MALRD1: variants seen among roughly 807,000 people sequenced by gnomAD.
MALRD1 encodes the protein MAM and LDL receptor class A domain containing 1, also known as MAM and LDL-receptor class A domain-containing protein 1.
Under a neutral mutation model 242.1 loss-of-function variants are expected in MALRD1, and 247 were observed. The ratio of observed to expected loss-of-function variants is 1.02; its 90% CI spans 0.92 to 1.13. The LOEUF is 1.13. Among genes scored for constraint, MALRD1 ranks in the 50% most tolerant of loss-of-function variants. MALRD1 has a pLI of 0.00. For synonymous variants in MALRD1, 995 were observed against 866.6 expected, an observed-to-expected ratio of 1.15 and a Z score of -2.60; for missense variants, 2,989 against 2,533.1, an observed-to-expected ratio of 1.18 and a Z score of -3.86.
chr10:19,532,532 G>T (rs1436070849), intron 32 of MALRD1, among the ~76,000 whole-genome samples: 1 of 152,016 alleles, frequency 6.6e-6, no homozygotes, highest in East Asian at 1.9e-4. Flanking sequence ...GGGATTACAG[G>T]CCTGAGCCAC....
intron 28 of MALRD1, among the ~76,000 whole-genome samples, chr10:19,398,077 T>C (rs1358191545): frequency 6.6e-6 from 1 of 152,156 alleles, no homozygotes; most frequent in Non-Finnish European, 1.5e-5. Flanking sequence ...TTGTCAGATG[T>C]AGAGTTTGCA....
intron 28 of MALRD1, among the ~76,000 whole-genome samples, chr10:19,436,002 C>G (rs1219324214): frequency 6.6e-6 from 1 of 152,106 alleles, no homozygotes; most frequent in Non-Finnish European, 1.5e-5. Context: ...TTTTGTTGCT[C>G]AAGTTGTTCC....
intron 28 of MALRD1, among the ~76,000 whole-genome samples, chr10:19,408,541 A>G (rs1470608084): frequency 2.6e-5 from 4 of 152,222 alleles, no homozygotes; most frequent in African/African-American, 7.2e-5. Flanking sequence ...TATTCAAACA[A>G]AGAAAATCAT....
At position 19,188,293 on chromosome 10, in the gene MALRD1, C is replaced by T. The variant is rs912241308; in HGVS notation, c.1951+12965C>T. On this transcript the variant is annotated intron_variant, in intron 14 of 39. Transcript: ENST00000454679. ...AATAGCCTACTAGGAGAAACTGGGA[C>T]GTGGCTTAACAAGAGGAACTTGTTC... is the stretch of plus-strand genomic sequence containing the variant. Among the ~76,000 whole-genome samples, 18 of 152,120 alleles carry T rather than the reference C, an allele frequency of 1.2e-4. 1 individual carries two copies. The highest frequency in any genetic ancestry group is 9.8e-4 in the Admixed American group (15 of 15,286).
chr10:19,540,219 G>C (rs988257548), intron 32 of MALRD1, among the ~76,000 whole-genome samples: 1 of 152,084 alleles, frequency 6.6e-6, no homozygotes, highest in African/African-American at 2.4e-5. Flanking sequence ...TAGTGCAAGA[G>C]GATATTCTAT....
chr10:19,269,628 C>G (rs1840117535), intron 19 of MALRD1, among the ~76,000 whole-genome samples: 1 of 152,160 alleles, frequency 6.6e-6, no homozygotes, highest in African/African-American at 2.4e-5. Flanking sequence ...GTGAAATCAG[C>G]TGCAACTCCA....
intron 14 of MALRD1, among the ~76,000 whole-genome samples, chr10:19,203,395 G>A (rs1836636778): frequency 6.6e-6 from 1 of 152,140 alleles, no homozygotes; most frequent in Non-Finnish European, 1.5e-5. Context: ...TGATGTAACA[G>A]TAGCAGGGAA....
intron 21 of MALRD1, among the ~76,000 whole-genome samples, chr10:19,320,508 A>G (rs1256533088): frequency 1.3e-5 from 2 of 152,060 alleles, no homozygotes; most frequent in East Asian, 3.9e-4. Context: ...CTTTGCTATT[A>G]TAAGTAGTGC....
At chr10:19,163,513 T>G (rs1219912268) in intron 12 of MALRD1, among the ~76,000 whole-genome samples, 16 of 145,172 alleles carry the variant, frequency 1.1e-4, no homozygotes, top group South Asian at 2.2e-4. Flanking sequence ...GGGGGGAGGG[T>G]GGAGGAGGGA....
intron 18 of MALRD1, among the ~76,000 whole-genome samples, chr10:19,240,755 G>C (rs1190043028): frequency 6.6e-6 from 1 of 152,002 alleles, no homozygotes; most frequent in Non-Finnish European, 1.5e-5. Flanking sequence ...CTACTTTCTT[G>C]ACAGTTTTTA....
chr10:19,596,027 T>G (rs1838081240), intron 34 of MALRD1, among the ~76,000 whole-genome samples: 1 of 152,184 alleles, frequency 6.6e-6, no homozygotes, highest in Admixed American at 6.6e-5. Flanking sequence ...CAGAAGTTAT[T>G]TAAGTGCTGC....
intron 14 of MALRD1, among the ~76,000 whole-genome samples, chr10:19,185,814 AGT>A (rs5783657): frequency 0.42 from 62,691 of 148,150 alleles, 13,202 homozygotes; most frequent in South Asian, 0.69. Flanking sequence ...GTTTTGAGAT[AGT>A]GTGTGTGTGT....
intron 33 of MALRD1, among the ~76,000 whole-genome samples, chr10:19,571,212 G>C (rs1470539602): frequency 6.6e-6 from 1 of 152,134 alleles, no homozygotes; most frequent in Non-Finnish European, 1.5e-5. Context: ...TGTTCTGCTA[G>C]TAGTTCAGGG....
intron 26 of MALRD1, among the ~76,000 whole-genome samples, chr10:19,377,547 A>T (rs1726140119): frequency 6.6e-6 from 1 of 152,096 alleles, no homozygotes; most frequent in South Asian, 2.1e-4. Context: ...AAACAGAACT[A>T]CTTCATAAGA....
At chr10:19,203,617 C>G in intron 14 of MALRD1, 111 bp from the exon 15 acceptor site, 2 of 1,085,190 alleles carry the variant, frequency 1.8e-6, no homozygotes, top group Middle Eastern at 2.8e-4. Context: ...CCTCATTGCC[C>G]TTCATGTGCA....
intron 5 of MALRD1, among the ~76,000 whole-genome samples, chr10:19,110,440 A>T (rs1002381623): frequency 3.3e-5 from 5 of 152,196 alleles, no homozygotes; most frequent in South Asian, 2.1e-4. Context: ...AAGTATATCA[A>T]TTGAAATAGA....
At chr10:19,135,277 C>G (rs892233408) in intron 9 of MALRD1, among the ~76,000 whole-genome samples, 1 of 152,146 alleles carries the variant, frequency 6.6e-6, no homozygotes, top group Admixed American at 6.5e-5. Context: ...GCGTTAGCCT[C>G]CCAAGCAGCT....
intron 38 of MALRD1, among the ~76,000 whole-genome samples, chr10:19,698,313 G>A (rs1833466141): frequency 6.6e-6 from 1 of 152,076 alleles, no homozygotes; most frequent in South Asian, 2.1e-4. Flanking sequence ...AGTATCACAA[G>A]GAATTGAGTA....
At chr10:19,154,865 G>A (rs1020002023) in intron 11 of MALRD1, among the ~76,000 whole-genome samples, 9 of 152,172 alleles carry the variant, frequency 5.9e-5, no homozygotes, top group African/African-American at 1.2e-4. Flanking sequence ...TCAAGAGCTT[G>A]TTTTAATTGA....
Sources: gnomAD v4.1 joint callset for allele counts (sites outside exome capture counted in the v4.1 genomes callset) on GRCh38, gnomAD v4.1.1 for gene constraint, MANE v1.5 for transcripts, NCBI Gene and HGNC (gene_info 2026-07-23, HGNC 2026-07-21) for gene names.